Variants in TAF15 observed in about 807,000 individuals in gnomAD.
The protein encoded by TAF15 is TATA-binding protein-associated factor 2N.
In TAF15, 37 loss-of-function variants were observed where a neutral mutation model predicts 102.5. That is an observed-to-expected ratio of 0.36 (90% CI 0.28 to 0.47). TAF15 has a LOEUF of 0.47. TAF15 is among the 20% of genes least tolerant of loss of function. The pLI is 0.99. For synonymous variants in TAF15, 273 were observed against 259.2 expected (o/e 1.05, Z -0.51); for missense variants, 652 against 760.7 (o/e 0.86, Z 1.68).
At chr17:35,846,885 C>A (rs373795016) in intron 15 of TAF15, 21 bp from the exon 16 acceptor site, 2 of 1,613,906 alleles carry the variant, frequency 1.2e-6, no homozygotes, top group African/African-American at 2.7e-5. Flanking sequence ...TTTAGTCCGG[C>A]TCTTTATTTT....
Position 35,834,553 on chromosome 17 carries a change from T to C in TAF15, c.641-13T>C. The C allele has an allele frequency of 6.2e-7, 1 of 1,613,184 alleles. No homozygotes were observed. Among genetic ancestry groups the C allele is most frequent in the Non-Finnish European group, 8.5e-7 (1 of 1,179,576 alleles). On this transcript the variant is annotated splice_polypyrimidine_tract_variant and intron_variant, in intron 8 of 15. Transcript: ENST00000605844. ...TGCCTTAAATAGCTCTTTTTTCTTT[T>C]CTTTTCCCTTAGGTCACAGGGATTA... is the stretch of plus-strand genomic sequence containing the variant.
intron 11 of TAF15, among the ~76,000 whole-genome samples, chr17:35,842,007 A>C (rs548321673): frequency 8.6e-5 from 13 of 151,622 alleles, no homozygotes; most frequent in Non-Finnish European, 1.6e-4. Context: ...CTTTTTCTCC[A>C]CCCCTGACAC....
intron 8 of TAF15, 48 bp from the exon 9 acceptor site, chr17:35,834,518 T>A: frequency 6.3e-7 from 1 of 1,589,730 alleles, no homozygotes; most frequent in Non-Finnish European, 8.6e-7. Context: ...GTTAATGATT[T>A]TAAATAAATT....
rs1400771607 is a variant in TAF15 at position 35,836,306 on chromosome 17, T to C, written c.783+65T>C. On this transcript the variant is annotated intron_variant, in intron 10 of 15. Transcript: ENST00000605844. ...TGTTCTGATTACAATACATAGACTA[T>C]GTAGTAAGCCTACATACTTCAGTAC... is the stretch of plus-strand genomic sequence containing the variant. 3.4e-6 allele frequency: 4 copies of C among 1,190,110 alleles called. No homozygotes were observed. The African/African-American group carries it at 4.6e-5, about 14-fold the overall frequency. 73.7% of individuals were successfully genotyped at this position (1,190,110 alleles called of 1,614,324 possible). A position where few individuals can be genotyped will look rare whatever the true frequency, so the allele number is the denominator to read the frequency against.
At chr17:35,821,579 G>A (rs1195926824) in intron 5 of TAF15, among the ~76,000 whole-genome samples, 2 of 151,992 alleles carry the variant, frequency 1.3e-5, no homozygotes, top group African/African-American at 4.8e-5. Context: ...ATTAAGTTAT[G>A]AGATCTTTTT....
intron 11 of TAF15, among the ~76,000 whole-genome samples, chr17:35,840,892 G>A (rs2087535764): frequency 6.6e-6 from 1 of 151,946 alleles, no homozygotes; most frequent in African/African-American, 2.4e-5. Context: ...GTAGTACCCT[G>A]TCTGTCCCCG....
intron 8 of TAF15, 174 bp from the exon 9 acceptor site, chr17:35,834,392 C>T: frequency 1.6e-6 from 1 of 633,558 alleles, no homozygotes; most frequent in East Asian, 2.8e-5. Context: ...ATCTTGATTT[C>T]CTAAACTTTA....
intron 1 of TAF15, among the ~76,000 whole-genome samples, chr17:35,812,532 C>T (rs1314400559): frequency 6.9e-6 from 1 of 145,982 alleles, no homozygotes; most frequent in East Asian, 2.0e-4. Flanking sequence ...TTGTGGTGAG[C>T]CGAGATTGCG....
intron 15 of TAF15, among the ~76,000 whole-genome samples, chr17:35,846,595 A>G (rs1396497220): frequency 2.6e-5 from 4 of 152,288 alleles, no homozygotes; most frequent in East Asian, 1.9e-4. Context: ...TCATTCCACT[A>G]TGCCACTCTC....
At chr17:35,820,098 T>C (rs559861539) in intron 3 of TAF15, 23 bp downstream of exon 3, 13 of 1,613,964 alleles carry the variant, frequency 8.1e-6, no homozygotes, top group African/African-American at 5.3e-5. Context: ...ATAAATTGTA[T>C]TCTTCATAAG....
At chr17:35,822,514 A>T in intron 5 of TAF15, 126 bp from the exon 6 acceptor site, 1 of 819,520 alleles carries the variant, frequency 1.2e-6, no homozygotes, top group South Asian at 1.6e-5. Context: ...AATTACCATG[A>T]GAAGGTAGTC....
At chr17:35,825,072 T>C (rs1234263759) in intron 7 of TAF15, among the ~76,000 whole-genome samples, 1 of 152,210 alleles carries the variant, frequency 6.6e-6, no homozygotes, top group Non-Finnish European at 1.5e-5. Flanking sequence ...TTATCAGTCA[T>C]ATATCAGCAC....
intron 7 of TAF15, among the ~76,000 whole-genome samples, chr17:35,825,855 G>A (rs2087318715): frequency 6.6e-6 from 1 of 152,110 alleles, no homozygotes; most frequent in African/African-American, 2.4e-5. Context: ...TCAGGAGGCT[G>A]AGGCAGGAGA....
Position 35,834,520 on chromosome 17 carries a change from A to G in TAF15, c.641-46A>G, listed in dbSNP as rs750141605. The G allele has an allele frequency of 1.5e-5, 24 of 1,592,666 alleles. No homozygotes were observed. In the East Asian group the frequency reaches 4.9e-4, roughly 33 times the overall value. On this transcript the variant is annotated intron_variant, in intron 8 of 15. Transcript: ENST00000605844. ...TACTATTTTTTTTGTTAATGATTTTAAATAAATTGCCTTAAATAGCTCTTT... is the reference window on the plus strand; with the variant it reads ...TACTATTTTTTTTGTTAATGATTTTGAATAAATTGCCTTAAATAGCTCTTT...
chr17:35,818,881 G>A (rs1206434519), intron 2 of TAF15, among the ~76,000 whole-genome samples: 1 of 151,810 alleles, frequency 6.6e-6, no homozygotes, highest in Non-Finnish European at 1.5e-5. Context: ...TTATTATGGT[G>A]TATAATATGC....
chr17:35,833,619 G>T, intron 7 of TAF15: 1 of 314,778 alleles, frequency 3.2e-6, no homozygotes, highest in Non-Finnish European at 5.9e-6. Context: ...CCAGCTTTAT[G>T]TTATGGTTTA....
intron 10 of TAF15, 112 bp from the exon 11 acceptor site, chr17:35,838,312 A>G: frequency 7.1e-7 from 1 of 1,405,208 alleles, no homozygotes; most frequent in Non-Finnish European, 9.8e-7. Flanking sequence ...ATAGTATTTT[A>G]TAGTATGAAT....
At chr17:35,845,356 G>T (rs2087611503) in intron 15 of TAF15, among the ~76,000 whole-genome samples, 1 of 152,066 alleles carries the variant, frequency 6.6e-6, no homozygotes, top group Non-Finnish European at 1.5e-5. Context: ...TTAGACTCAG[G>T]CAACACTCCT....
rs146455187 is a variant in TAF15, at chr17:35,836,644, A to C, written c.783+403A>C. Among the ~76,000 whole-genome samples the C allele has an allele frequency of 3.6e-3, 545 of 152,328 alleles. 4 individuals are homozygous for C. The highest frequency in any genetic ancestry group is 0.012 in the African/African-American group (512 of 41,572). The stretch of plus-strand genomic sequence containing the variant: ...GTTATCTTGTAATTGCTCATTGTTC[A>C]CTAAAGCGTCTTTTGCACTATTTTC... On this transcript the variant is annotated intron_variant, in intron 10 of 15. Transcript: ENST00000605844.
Sources: allele counts gnomAD v4.1 joint callset (sites outside exome capture counted in the v4.1 genomes callset), GRCh38; gene constraint gnomAD v4.1.1; transcripts MANE v1.5; gene names NCBI Gene and HGNC (gene_info 2026-07-23, HGNC 2026-07-21).